The following ZIM2 variants were observed in gnomAD, a reference collection of about 807,000 sequenced individuals.
ZIM2 encodes the protein zinc finger imprinted 2.
In ZIM2, 14 loss-of-function variants were observed where a neutral mutation model predicts 38.6. The observed-to-expected ratio is 0.36, with a 90% CI of 0.24 to 0.57. The LOEUF (loss-of-function observed/expected upper bound fraction) is 0.57. Ranked by LOEUF, ZIM2 falls within the 20% of genes least tolerant of loss-of-function variation. The probability of loss-of-function intolerance (pLI) is 0.81; values close to 1 mark genes in which losing one functional copy is unlikely to be tolerated. For synonymous variants in ZIM2, 247 were observed against 245.8 expected (o/e 1.00, Z -0.04); for missense variants, 680 against 695.1 (o/e 0.98, Z 0.24).
chr19:56,833,477 C>A (rs1238282033), intron 2 of ZIM2: 2 of 287,484 alleles, frequency 7.0e-6, no homozygotes, highest in Non-Finnish European at 1.4e-5. Flanking sequence ...CTGTCCCAGC[C>A]CAGGCCTACG....
chr19:56,784,863 A>T lies in ZIM2; in HGVS notation c.571-2742T>A, dbSNP rs17207586. Reference sequence around the variant, plus strand: ...ATAAAAAGGCAGATACCAGAACATTACATAAGACTCTGATATCCATTTTAT... The same window carrying T: ...ATAAAAAGGCAGATACCAGAACATTTCATAAGACTCTGATATCCATTTTAT... On this transcript the variant is annotated intron_variant, in intron 10 of 12. Transcript: ENST00000629319. 9.8e-3 allele frequency among the ~76,000 whole-genome samples: 1,496 copies of T among 152,316 alleles called. 17 individuals are homozygous for T. The highest frequency in any genetic ancestry group is 0.018 in the Admixed American group (272 of 15,296).
intron 12 of ZIM2, among the ~76,000 whole-genome samples, chr19:56,779,098 A>C (rs2046181810): frequency 1.3e-5 from 2 of 152,024 alleles, no homozygotes; most frequent in Non-Finnish European, 2.9e-5. Flanking sequence ...TCTCAGTTAA[A>C]GAGGAGAGAT....
chr19:56,829,883 C>T (rs1315495851), intron 2 of ZIM2, among the ~76,000 whole-genome samples: 1 of 152,220 alleles, frequency 6.6e-6, no homozygotes, highest in African/African-American at 2.4e-5. Flanking sequence ...CCCCCACTTC[C>T]CCAGGCCAGC....
intron 9 of ZIM2, chr19:56,812,899 A>C: frequency 2.0e-6 from 2 of 985,768 alleles, no homozygotes; most frequent in Non-Finnish European, 2.4e-6. Flanking sequence ...TGTGGCAACC[A>C]ATCAATCTGG....
intron 9 of ZIM2, chr19:56,815,853 A>C (rs1489816697): frequency 6.2e-7 from 1 of 1,613,610 alleles, no homozygotes; most frequent in Admixed American, 1.7e-5. Flanking sequence ...CTGAGATATA[A>C]ATGGAGGATT....
intron 6 of ZIM2, 43 bp from the exon 7 acceptor site, chr19:56,821,797 A>T: frequency 6.2e-7 from 1 of 1,606,156 alleles, no homozygotes; most frequent in East Asian, 2.2e-5. Flanking sequence ...GGCCCAGTCC[A>T]TCCTGCAGGT....
chr19:56,830,708 A>C (rs987667087), intron 2 of ZIM2, among the ~76,000 whole-genome samples: 1 of 152,212 alleles, frequency 6.6e-6, no homozygotes, highest in African/African-American at 2.4e-5. Context: ...CAAATAAATA[A>C]ATCTCCATAA....
chr19:56,779,149 G>T (rs145739783), intron 12 of ZIM2, among the ~76,000 whole-genome samples: 26 of 152,238 alleles, frequency 1.7e-4, no homozygotes, highest in Non-Finnish European at 3.7e-4. Flanking sequence ...TGAGTGGACG[G>T]AAGGGCTGGA....
chr19:56,782,761 C>G (rs1006907353), intron 10 of ZIM2, among the ~76,000 whole-genome samples: 1 of 151,640 alleles, frequency 6.6e-6, no homozygotes, highest in Admixed American at 6.6e-5. Context: ...TATATACTTA[C>G]GGGGTACATG....
chr19:56,835,372 C>T (rs2061987522), intron 2 of ZIM2, among the ~76,000 whole-genome samples: 1 of 152,170 alleles, frequency 6.6e-6, no homozygotes, highest in African/African-American at 2.4e-5. Flanking sequence ...CTCAACGATT[C>T]CCTTGCTCTA....
rs1293902992 is a variant in ZIM2 at position 56,836,925 on chromosome 19, ACGCCAC to A, written c.-313-827_-313-822del. 4.2e-5 allele frequency among the ~76,000 whole-genome samples: 6 copies of A among 142,904 alleles called. No homozygotes were observed. The East Asian group carries it at 1.4e-3, about 33-fold the overall frequency. 93.8% of individuals were successfully genotyped at this position (142,904 alleles called of 152,430 possible). The stretch of plus-strand genomic sequence containing the variant: ...GCAGAGGCTGCAGTGAGCCAAGATC[ACGCCAC>A]CACACTCCAGCCTGGGTGAGAGGGC... On this transcript the variant is annotated intron_variant, in intron 1 of 12. Transcript: ENST00000629319.
chr19:56,777,095 G>A (rs1358931905), intron 12 of ZIM2, among the ~76,000 whole-genome samples: 2 of 152,194 alleles, frequency 1.3e-5, no homozygotes, highest in East Asian at 1.9e-4. Context: ...AGGAAGTCAA[G>A]TATAAGACTG....
chr19:56,803,261 G>A (rs552163750), intron 9 of ZIM2, among the ~76,000 whole-genome samples: 10 of 152,232 alleles, frequency 6.6e-5, no homozygotes, highest in Non-Finnish European at 1.5e-4. Flanking sequence ...TCCATCTGAA[G>A]ATGGTTACCT....
chr19:56,797,967 T>C (rs2047315520), intron 9 of ZIM2: 1 of 152,222 alleles, frequency 6.6e-6, no homozygotes, highest in African/African-American at 2.4e-5. Context: ...AAGCTCCATA[T>C]CTTCCTTTCT....
intron 1 of ZIM2, among the ~76,000 whole-genome samples, chr19:56,839,832 G>C (rs940145175): frequency 8.6e-5 from 13 of 150,742 alleles, no homozygotes; most frequent in African/African-American, 2.9e-4. Context: ...GGTGGGGCTT[G>C]AGCAGACGAT....
chr19:56,774,622 C>T lies in ZIM2; in HGVS notation c.*66G>A, dbSNP rs1307484203. On this transcript the variant is annotated 3_prime_UTR_variant, in exon 13 of 13. Coordinates refer to ENST00000629319, the MANE Select transcript of ZIM2 (RefSeq NM_001387356.1). ...GTGGGGCTAGTGAAAGGCCTTCTCA[C>T]ACTCACAACACTCTAGGAGGAAGCC... 1.7e-5 allele frequency: 26 copies of T among 1,541,064 alleles called. No individual in the cohort carries two copies. The highest frequency in any genetic ancestry group is 2.1e-5 in the Non-Finnish European group (24 of 1,142,082).
At chr19:56,813,800 G>T (rs576263292) in intron 9 of ZIM2, 13 of 1,613,986 alleles carry the variant, frequency 8.1e-6, no homozygotes, top group Non-Finnish European at 5.9e-6. Flanking sequence ...GTGCTGGCAC[G>T]TTCGATGTAG....
At chr19:56,784,465 T>C (rs2046491174) in intron 10 of ZIM2, among the ~76,000 whole-genome samples, 1 of 152,232 alleles carries the variant, frequency 6.6e-6, no homozygotes, top group South Asian at 2.1e-4. Flanking sequence ...TAAGAATCAC[T>C]GTATGGTAGG....
chr19:56,810,855 T>C, intron 9 of ZIM2: 1 of 967,368 alleles, frequency 1.0e-6, no homozygotes, highest in Non-Finnish European at 1.2e-6. Flanking sequence ...TATTTTCTAA[T>C]TTTTCCTCTG....
Sources: allele counts gnomAD v4.1 joint callset (sites outside exome capture counted in the v4.1 genomes callset), GRCh38; gene constraint gnomAD v4.1.1; transcripts MANE v1.5; gene names NCBI Gene and HGNC (gene_info 2026-07-23, HGNC 2026-07-21).